Variants in COL27A1 observed in about 807,000 individuals in gnomAD.
The protein encoded by COL27A1 is collagen alpha-1(XXVII) chain.
A neutral mutation model predicts 251.3 loss-of-function variants in COL27A1; 106 were observed. That is an observed-to-expected ratio of 0.42 (90% CI 0.36 to 0.50). COL27A1 has a LOEUF of 0.50. COL27A1 is among the 20% of genes least tolerant of loss of function. COL27A1 has a pLI of 0.00. For missense variants in COL27A1, 2,325 were observed against 2,522.8 expected, an observed-to-expected ratio of 0.92 and a Z score of 1.68; for synonymous variants, 1,000 against 986.3, an observed-to-expected ratio of 1.01 and a Z score of -0.26.
intron 37 of COL27A1, among the ~76,000 whole-genome samples, chr9:114,281,281 T>C (rs13294192): frequency 2.0e-5 from 3 of 152,246 alleles, no homozygotes; most frequent in Non-Finnish European, 4.4e-5. Flanking sequence ...TGGCCCAGGA[T>C]TGATTCTCTC....
chr9:114,156,088 C>T, intron 1 of COL27A1, 76 bp downstream of exon 1: 1 of 1,289,322 alleles, frequency 7.8e-7, no homozygotes, highest in Non-Finnish European at 9.9e-7. Context: ...GGTTCCCCGC[C>T]ATGCGGTCGC....
chr9:114,220,324 C>T (rs4979355), intron 13 of COL27A1, among the ~76,000 whole-genome samples: 9,395 of 152,230 alleles, frequency 0.062, 323 homozygotes, highest in East Asian at 0.15. Flanking sequence ...CTCTGTTCCC[C>T]GAGGAGCCAG....
intron 31 of COL27A1, 94 bp from the exon 32 acceptor site, chr9:114,265,328 G>A: frequency 3.7e-6 from 5 of 1,345,446 alleles, no homozygotes; most frequent in Non-Finnish European, 5.2e-6. Flanking sequence ...GTGGGAGGAG[G>A]GGACCCAAAT....
At chr9:114,304,814 C>T (rs1374188560) in intron 57 of COL27A1, 141 bp downstream of exon 57, 4 of 704,458 alleles carry the variant, frequency 5.7e-6, no homozygotes, top group African/African-American at 5.3e-5. Flanking sequence ...CTCGCATCCA[C>T]AAATGGGGGT....
chr9:114,178,785 G>T (rs544372938), intron 4 of COL27A1, among the ~76,000 whole-genome samples: 1 of 152,320 alleles, frequency 6.6e-6, no homozygotes, highest in South Asian at 2.1e-4. Context: ...AGTTCCTCCT[G>T]CTGGAGAGAG....
At chr9:114,162,417 C>G (rs1248817778) in intron 1 of COL27A1, among the ~76,000 whole-genome samples, 2 of 152,218 alleles carry the variant, frequency 1.3e-5, no homozygotes, top group Non-Finnish European at 2.9e-5. Flanking sequence ...GTTCCAATGA[C>G]CAGGGCAGGG....
At chr9:114,160,299 C>T (rs1024057439) in intron 1 of COL27A1, among the ~76,000 whole-genome samples, 1 of 151,878 alleles carries the variant, frequency 6.6e-6, no homozygotes, top group South Asian at 2.1e-4. Flanking sequence ...GGACTACAGG[C>T]GCCCGCCACC....
intron 50 of COL27A1, chr9:114,300,397 T>A (rs1626295): frequency 1.7e-6 from 1 of 573,854 alleles, no homozygotes; most frequent in Non-Finnish European, 3.1e-6. Context: ...AGTAGAAGAC[T>A]GTTGCAAAAA....
At chr9:114,288,328 A>G (rs1458199195) in intron 41 of COL27A1, 127 bp from the exon 42 acceptor site, 1 of 940,378 alleles carries the variant, frequency 1.1e-6, no homozygotes, top group Non-Finnish European at 1.7e-6. Flanking sequence ...TTCCCTCTCT[A>G]GTTTGTGTCC....
At chr9:114,239,370 TTTAAA>T (rs1191180560) in intron 19 of COL27A1, among the ~76,000 whole-genome samples, 33 of 152,340 alleles carry the variant, frequency 2.2e-4, no homozygotes, top group African/African-American at 7.7e-4. Context: ...GCTGGTTCCA[TTTAAA>T]CTTAAGACTA....
chr9:114,309,672 G>A (rs940412030), intron 60 of COL27A1, among the ~76,000 whole-genome samples, 194 bp downstream of exon 60: 2 of 152,100 alleles, frequency 1.3e-5, no homozygotes, highest in Non-Finnish European at 2.9e-5. Flanking sequence ...TCCTCTCTGG[G>A]AAGCTATGAG....
chr9:114,191,595 C>G (rs2135225677), intron 5 of COL27A1, among the ~76,000 whole-genome samples: 1 of 152,308 alleles, frequency 6.6e-6, no homozygotes, highest in East Asian at 1.9e-4. Flanking sequence ...AGGACGTGAT[C>G]TCATTCCTTT....
At chr9:114,165,338 A>G (rs988918075) in intron 2 of COL27A1, among the ~76,000 whole-genome samples, 1 of 151,918 alleles carries the variant, frequency 6.6e-6, no homozygotes, top group African/African-American at 2.4e-5. Context: ...CCATTTATCT[A>G]TCCATCATCC....
chr9:114,155,841 G>A lies in COL27A1; in HGVS notation c.-110G>A, dbSNP rs941043465. 3 of 889,448 alleles carry A rather than the reference G, an allele frequency of 3.4e-6. No homozygotes were observed. Among genetic ancestry groups the A allele is most frequent in the African/African-American group, 1.8e-5 (1 of 55,256 alleles). The allele number at this position is 889,448 out of a possible 1,614,324, so 55.1% of individuals were successfully genotyped here. On this transcript the variant is annotated 5_prime_UTR_variant, in exon 1 of 61. Transcript: ENST00000356083. This position sits in a 1 kb window ranked among gnomAD's most constrained non-coding sequence, Gnocchi z 5.5. ...GCGCGGGGCTGCGCTGGGGGCGCGG[G>A]GGCCGCGCGCTCTAAGCCGGCCTGG...
Position 114,275,748 on chromosome 9 carries a change from C to A in COL27A1, c.3697C>A (p.Pro1233Thr). The change falls in exon 37 of 61, where the codon CCT becomes ACT. Residue 1233 changes from proline to threonine, a missense_variant. By Grantham distance (38) the Pro-to-Thr change is conservative. Coordinates refer to ENST00000356083, the MANE Select transcript of COL27A1 (RefSeq NM_032888.4). ...LMGEDGPPGP[P>T]GVTGVRGPEG... Reference sequence around the variant, plus strand: ...GGGTGAGGACGGGCCCCCCGGCCCCCCTGGCGTCACTGGTGTCCGGGTGAG... The same window carrying A: ...GGGTGAGGACGGGCCCCCCGGCCCCACTGGCGTCACTGGTGTCCGGGTGAG... 1.3e-6 allele frequency: 2 copies of A among 1,548,466 alleles called. No homozygotes were observed. Among genetic ancestry groups the A allele is most frequent in the African/African-American group, 1.4e-5 (1 of 73,156 alleles).
At chr9:114,215,063 T>C (rs1014467976) in intron 12 of COL27A1, among the ~76,000 whole-genome samples, 4 of 152,224 alleles carry the variant, frequency 2.6e-5, no homozygotes, top group African/African-American at 9.6e-5. Context: ...TCACAGCCCC[T>C]GGCCAGGACT....
rs748462871 is a variant in COL27A1 at position 114,222,258 on chromosome 9, C to T, written c.2457C>T (p.Pro819=). The change falls in exon 14 of 61, where the codon CCC becomes CCT. Residue 819 remains proline, a synonymous_variant. Coordinates refer to ENST00000356083, the MANE Select transcript of COL27A1 (RefSeq NM_032888.4). Reference sequence around the variant, plus strand: ...GCCTGCCAGGCCCCCCTGGAGTCCCCGGCCTCATTGTAAGTACATTGATGC... The same window carrying T: ...GCCTGCCAGGCCCCCCTGGAGTCCCTGGCCTCATTGTAAGTACATTGATGC... ...ELGLPGPPGV[P]GLIGDLGVLG... 50 of 1,613,252 alleles carry T rather than the reference C, an allele frequency of 3.1e-5. No homozygotes were observed. Among genetic ancestry groups the T allele is most frequent in the Middle Eastern group, 1.7e-4 (1 of 6,034 alleles).
intron 60 of COL27A1, among the ~76,000 whole-genome samples, chr9:114,309,944 G>A (rs1829330579): frequency 6.6e-6 from 1 of 152,232 alleles, no homozygotes; most frequent in Non-Finnish European, 1.5e-5. Context: ...TCATGAGGAT[G>A]TGGGGAAACC....
intron 27 of COL27A1, among the ~76,000 whole-genome samples, chr9:114,253,295 A>AAAAGAAAGAAAGAAAGGAAGGAAGAAAG (rs1554816664): frequency 1.4e-5 from 2 of 140,252 alleles, no homozygotes; most frequent in South Asian, 4.5e-4. Flanking sequence ...GAGACAGAGA[A>AAAAGAAAGAAAGAAAGGAAGGAAGAAAG]AAAGAAAGAA....
Sources: allele counts gnomAD v4.1 joint callset (sites outside exome capture counted in the v4.1 genomes callset), GRCh38; gene constraint gnomAD v4.1.1; non-coding constraint Gnocchi (gnomAD v3.1); transcripts MANE v1.5; gene names NCBI Gene and HGNC (gene_info 2026-07-23, HGNC 2026-07-21).